The following CSMD1 variants were observed in gnomAD, a reference collection of about 807,000 sequenced individuals.
The protein encoded by CSMD1 is CUB and Sushi multiple domains 1.
A neutral mutation model predicts 417.5 loss-of-function variants in CSMD1; 213 were observed. That is an observed-to-expected ratio of 0.51 (90% CI 0.46 to 0.57). CSMD1 has a LOEUF of 0.57. Ranked by LOEUF, CSMD1 falls within the 20% of genes least tolerant of loss-of-function variation. The pLI is 0.00. For missense variants in CSMD1, 6,923 were observed against 4,529.7 expected, an observed-to-expected ratio of 1.53 and a Z score of -15.17; for synonymous variants, 2,862 against 1,736.8, an observed-to-expected ratio of 1.65 and a Z score of -16.11.
At chr8:4,310,733 G>A (rs929964658) in intron 3 of CSMD1, among the ~76,000 whole-genome samples, 1 of 152,124 alleles carries the variant, frequency 6.6e-6, no homozygotes, top group South Asian at 2.1e-4. Flanking sequence ...ATACCATGGA[G>A]AGAGTAGCTC....
chr8:3,635,853 C>T (rs909655140), intron 7 of CSMD1, among the ~76,000 whole-genome samples: 6 of 148,982 alleles, frequency 4.0e-5, no homozygotes, highest in African/African-American at 9.9e-5. Flanking sequence ...ACACTGCACA[C>T]TTAGGTTACT....
intron 2 of CSMD1, among the ~76,000 whole-genome samples, chr8:4,594,306 C>T (rs552452185): frequency 1.4e-5 from 2 of 146,368 alleles, no homozygotes; most frequent in African/African-American, 2.5e-5. Context: ...TGGGTTAAAG[C>T]GATTCTCCTG....
At chr8:4,055,549 A>G (rs1459534060) in intron 3 of CSMD1, among the ~76,000 whole-genome samples, 2 of 141,454 alleles carry the variant, frequency 1.4e-5, no homozygotes, top group East Asian at 4.4e-4. Context: ...AATTTTAATG[A>G]ATATCATATA....
rs937929016 is a variant in CSMD1 at position 4,128,995 on chromosome 8, G to C, written c.416-96896C>G. On this transcript the variant is annotated intron_variant, in intron 3 of 69. Coordinates refer to ENST00000635120, the MANE Select transcript of CSMD1 (RefSeq NM_033225.6). Reference sequence around the variant, plus strand: ...GGAAGCTGAGGCAGGAGAGTTGCTTGAACCCGGGAGTCAGAGGCTGCAGTA... The same window carrying C: ...GGAAGCTGAGGCAGGAGAGTTGCTTCAACCCGGGAGTCAGAGGCTGCAGTA... Among the ~76,000 whole-genome samples the C allele has an allele frequency of 7.0e-4, 101 of 143,264 alleles. 2 individuals are homozygous for C. The highest frequency in any genetic ancestry group is 2.8e-4 in the Non-Finnish European group (19 of 66,670). 94.0% of individuals were successfully genotyped at this position (143,264 alleles called of 152,430 possible).
intron 3 of CSMD1, among the ~76,000 whole-genome samples, chr8:4,329,923 T>C (rs761591370): frequency 3.3e-5 from 5 of 152,022 alleles, no homozygotes; most frequent in Non-Finnish European, 5.9e-5. Flanking sequence ...ATGTGAGGTG[T>C]CTGCTCCCCT....
intron 26 of CSMD1, among the ~76,000 whole-genome samples, chr8:3,244,404 GC>G (rs1423163052): frequency 2.0e-5 from 3 of 152,098 alleles, no homozygotes; most frequent in Non-Finnish European, 4.4e-5. Context: ...AGAGCAATCT[GC>G]TTTTGTTTAA....
chr8:4,182,457 TA>T (rs1390202411), intron 3 of CSMD1, among the ~76,000 whole-genome samples: 25 of 152,278 alleles, frequency 1.6e-4, no homozygotes, highest in African/African-American at 5.8e-4. Flanking sequence ...AAATGTGGAT[TA>T]AAACATTGTT....
At chr8:4,004,471 T>G (rs1216856082) in intron 4 of CSMD1, among the ~76,000 whole-genome samples, 2 of 151,938 alleles carry the variant, frequency 1.3e-5, no homozygotes, top group Non-Finnish European at 2.9e-5. Flanking sequence ...TAAAATGGCC[T>G]AATTTATCTA....
chr8:4,291,941 G>C (rs995963160), intron 3 of CSMD1, among the ~76,000 whole-genome samples: 5 of 152,312 alleles, frequency 3.3e-5, no homozygotes, highest in Admixed American at 1.3e-4. Context: ...TGAAAAAGCA[G>C]GCAGGGAGCC....
intron 10 of CSMD1, among the ~76,000 whole-genome samples, chr8:3,513,977 T>C (rs965091913): frequency 2.6e-5 from 4 of 152,180 alleles, no homozygotes; most frequent in Non-Finnish European, 5.9e-5. Context: ...ACAGAGAAGG[T>C]AGCAGATTCC....
In CSMD1 at chr8:3,989,625, T is replaced by C. The variant is rs141251580; in HGVS notation, c.818+8278A>G. On this transcript the variant is annotated intron_variant, in intron 5 of 69. Transcript: ENST00000635120. ...GGTGCCATCTATTTTAAATTTATAA[T>C]TCAAAAAAAATTAAAGTCTTTATGA... Among the ~76,000 whole-genome samples the C allele has an allele frequency of 6.3e-3, 960 of 152,240 alleles. 12 individuals carry two copies. The highest frequency in any genetic ancestry group is 0.022 in the African/African-American group (929 of 41,526).
chr8:3,744,882 G>A (rs1296407391), intron 6 of CSMD1, among the ~76,000 whole-genome samples: 2 of 152,188 alleles, frequency 1.3e-5, no homozygotes, highest in Non-Finnish European at 2.9e-5. Flanking sequence ...AAGGGATGGT[G>A]TTCAAACATG....
intron 3 of CSMD1, among the ~76,000 whole-genome samples, chr8:4,372,251 T>A (rs557279646): frequency 1.3e-5 from 2 of 152,314 alleles, no homozygotes; most frequent in Admixed American, 6.5e-5. Flanking sequence ...GAAGTAAAGA[T>A]ACATAACGTC....
rs1347606895 is a variant in CSMD1 at position 3,937,066 on chromosome 8, G to A, written c.818+60837C>T. Among the ~76,000 whole-genome samples, 4 of 152,182 alleles carry A rather than the reference G, an allele frequency of 2.6e-5. No individual in the cohort carries two copies. In the East Asian group the frequency reaches 7.7e-4, roughly 29 times the overall value. ...CATGTTGAAAACAGCAAGAGAAACAGAATTAGAAGTAGAACTGAATTGCTG... is the reference window on the plus strand; with the variant it reads ...CATGTTGAAAACAGCAAGAGAAACAAAATTAGAAGTAGAACTGAATTGCTG... On this transcript the variant is annotated intron_variant, in intron 5 of 69. Coordinates refer to ENST00000635120, the MANE Select transcript of CSMD1 (RefSeq NM_033225.6).
Position 4,413,056 on chromosome 8 carries a change from A to G in CSMD1, c.415+6897T>C, listed in dbSNP as rs187810552. Among the ~76,000 whole-genome samples, 9 of 152,344 alleles carry G rather than the reference A, an allele frequency of 5.9e-5. No homozygotes were observed. In the South Asian group the frequency reaches 1.2e-3, roughly 21 times the overall value. On this transcript the variant is annotated intron_variant, in intron 3 of 69. Coordinates refer to ENST00000635120, the MANE Select transcript of CSMD1 (RefSeq NM_033225.6). ...CTTTCCAGAAAAATAGACTTACAAA[A>G]TTACGCATATAATTTCACAGCTTCA...
At chr8:4,398,384 A>C (rs62480976) in intron 3 of CSMD1, among the ~76,000 whole-genome samples, 168 of 113,890 alleles carry the variant, frequency 1.5e-3, no homozygotes, top group African/African-American at 5.0e-3. Flanking sequence ...TCTTGCTGCA[A>C]CTTCTTTTTT....
At chr8:3,265,568 G>C (rs1335111777) in intron 26 of CSMD1, among the ~76,000 whole-genome samples, 2 of 152,198 alleles carry the variant, frequency 1.3e-5, no homozygotes, top group East Asian at 1.9e-4. Flanking sequence ...CTGGGAATTT[G>C]AAGGCTCAAA....
intron 50 of CSMD1, among the ~76,000 whole-genome samples, chr8:3,051,845 T>C (rs1811839757): frequency 6.6e-6 from 1 of 152,164 alleles, no homozygotes; most frequent in African/African-American, 2.4e-5. Flanking sequence ...TTCTGGTGGG[T>C]TTTGCATAAC....
chr8:4,029,090 C>A (rs569497915), intron 4 of CSMD1, among the ~76,000 whole-genome samples: 1 of 152,206 alleles, frequency 6.6e-6, no homozygotes, highest in East Asian at 1.9e-4. Context: ...AAAATATACA[C>A]ATTAAATGGT....
Sources: gnomAD v4.1 joint callset for allele counts (sites outside exome capture counted in the v4.1 genomes callset) on GRCh38, gnomAD v4.1.1 for gene constraint, MANE v1.5 for transcripts, NCBI Gene and HGNC (gene_info 2026-07-23, HGNC 2026-07-21) for gene names.